Variants in SAMD12 observed in about 807,000 individuals in gnomAD.
SAMD12 encodes sterile alpha motif domain containing 12.
Under a neutral mutation model 15.0 loss-of-function variants are expected in SAMD12, and 9 were observed. The observed-to-expected ratio is 0.60, with a 90% CI of 0.36 to 1.05. SAMD12 has a LOEUF of 1.05. SAMD12 is among the 50% of genes least tolerant of loss of function. The pLI, the probability that SAMD12 is intolerant of heterozygous loss-of-function variation, is 0.01. For synonymous variants in SAMD12, 86 were observed against 90.1 expected, an observed-to-expected ratio of 0.96 and a Z score of 0.25; for missense variants, 230 against 234.2, an observed-to-expected ratio of 0.98 and a Z score of 0.12.
In SAMD12 at chr8:118,320,816, T is replaced by TTAAA. The variant is rs1554631079; in HGVS notation, c.433+58743_433+58744insTTTA. Among the ~76,000 whole-genome samples, 22 of 146,728 alleles carry TTAAA rather than the reference T, an allele frequency of 1.5e-4. No individual in the cohort carries two copies. The South Asian group carries it at 4.6e-3, about 31-fold the overall frequency. ...ATGTACCCTAGAACTTAAAGTATAA[T>TTAAA]AAAAATATATATATATATATAAAAA... On this transcript the variant is annotated intron_variant, in intron 4 of 4. Coordinates refer to the SAMD12 transcript ENST00000409003.
At chr8:118,515,669 G>GCA (rs1825221458) in intron 2 of SAMD12, among the ~76,000 whole-genome samples, 4 of 152,062 alleles carry the variant, frequency 2.6e-5, no homozygotes, top group Non-Finnish European at 2.9e-5. Context: ...CCCTACCCCA[G>GCA]GTACCTTCCT....
the SAMD12 span, among the ~76,000 whole-genome samples, chr8:118,169,232 A>G: frequency 4.6e-5 from 7 of 152,206 alleles, no homozygotes; most frequent in Admixed American, 4.6e-4. Context: ...TTAAAATAAA[A>G]CAAAACTAAC....
Position 118,275,339 on chromosome 8 carries a change from C to A in SAMD12, c.434-77607G>T, listed in dbSNP as rs985614769. The stretch of plus-strand genomic sequence containing the variant: ...ATTCTTAGGATGGCTTGTTAACATT[C>A]TGTTTACTTGTTAATGTTCTAAGTA... On this transcript the variant is annotated intron_variant, in intron 4 of 4. Coordinates refer to the SAMD12 transcript ENST00000409003. Among the ~76,000 whole-genome samples the A allele has an allele frequency of 1.1e-4, 17 of 152,102 alleles. 2 individuals are homozygous for A. Among genetic ancestry groups the A allele is most frequent in the Admixed American group, 1.1e-3 (17 of 15,268 alleles).
intron 3 of SAMD12, among the ~76,000 whole-genome samples, chr8:118,403,864 CAT>C (rs767997521): frequency 2.6e-5 from 4 of 152,166 alleles, no homozygotes; most frequent in Non-Finnish European, 2.9e-5. Flanking sequence ...TCTAGATGGC[CAT>C]AGCATTCTTG....
intron 4 of SAMD12, among the ~76,000 whole-genome samples, chr8:118,350,694 A>G (rs1042681391): frequency 1.3e-5 from 2 of 152,214 alleles, no homozygotes; most frequent in South Asian, 2.1e-4. Flanking sequence ...GACTACCTAT[A>G]TATCTTTATT....
rs58198250 is a variant in SAMD12, at chr8:118,280,814, T to C, written c.434-83082A>G. Among the ~76,000 whole-genome samples, 549 of 152,248 alleles carry C rather than the reference T, an allele frequency of 3.6e-3. 19 individuals are homozygous for C. In the South Asian group the frequency reaches 0.052, roughly 14 times the overall value. On this transcript the variant is annotated intron_variant, in intron 4 of 4. Coordinates refer to the SAMD12 transcript ENST00000409003. Reference sequence around the variant, plus strand: ...CCTCCAGCATTTTGGTGGGGGAGCTTCTCTAGAAGTAAGAGTTCTTAATAT... The same window carrying C: ...CCTCCAGCATTTTGGTGGGGGAGCTCCTCTAGAAGTAAGAGTTCTTAATAT...
intron 2 of SAMD12, among the ~76,000 whole-genome samples, chr8:118,486,425 AAG>A (rs559024086): frequency 2.4e-4 from 36 of 149,276 alleles, no homozygotes; most frequent in Admixed American, 2.3e-3. Context: ...AAAAAAAAAA[AAG>A]AGAGAGAGAG....
At chr8:118,233,208 GCAGT>G (rs1374761992) in intron 4 of SAMD12, among the ~76,000 whole-genome samples, 1 of 152,100 alleles carries the variant, frequency 6.6e-6, no homozygotes, top group Non-Finnish European at 1.5e-5. Context: ...CACAGTTAAG[GCAGT>G]CAGTTTACTG....
At chr8:118,417,099 T>G (rs1035582761) in intron 3 of SAMD12, among the ~76,000 whole-genome samples, 4 of 145,296 alleles carry the variant, frequency 2.8e-5, no homozygotes, top group Middle Eastern at 3.5e-3. Context: ...TGTTTTTTGG[T>G]TTTTTTTTTG....
chr8:118,524,258 A>G (rs1348373494), intron 2 of SAMD12, among the ~76,000 whole-genome samples: 5 of 152,106 alleles, frequency 3.3e-5, no homozygotes, highest in African/African-American at 1.2e-4. Flanking sequence ...ATGACTCCAC[A>G]TTGCTGAATC....
intron 4 of SAMD12, among the ~76,000 whole-genome samples, chr8:118,314,698 T>C (rs905361880): frequency 3.3e-5 from 5 of 152,186 alleles, no homozygotes; most frequent in Non-Finnish European, 2.9e-5. Flanking sequence ...CCTTGAGATT[T>C]TTCCAGTTTG....
At chr8:118,593,468 T>C (rs1278173787) in intron 1 of SAMD12, among the ~76,000 whole-genome samples, 1 of 152,256 alleles carries the variant, frequency 6.6e-6, no homozygotes, top group Admixed American at 6.5e-5. Context: ...GAAATTACAC[T>C]GTCCAATACA....
chr8:118,301,058 C>T (rs954563317), intron 4 of SAMD12, among the ~76,000 whole-genome samples: 4 of 152,060 alleles, frequency 2.6e-5, no homozygotes, highest in Admixed American at 2.0e-4. Context: ...TTTGCAGAAA[C>T]TCAAAACAAG....
In SAMD12 at chr8:118,214,960, G is replaced by A. The variant is rs570275915; in HGVS notation, c.434-17228C>T. Reference sequence around the variant, plus strand: ...CTCAGACCGAAGGTTAAACAAGGGGGCTAAGCTGCTACTGCAGTTGTTACA... The same window carrying A: ...CTCAGACCGAAGGTTAAACAAGGGGACTAAGCTGCTACTGCAGTTGTTACA... On this transcript the variant is annotated intron_variant, in intron 4 of 4. Coordinates refer to the SAMD12 transcript ENST00000409003. Among the ~76,000 whole-genome samples the A allele has an allele frequency of 2.9e-4, 44 of 152,308 alleles. 1 individual carries two copies. The highest frequency in any genetic ancestry group is 2.0e-3 in the Admixed American group (30 of 15,296).
downstream of SAMD12, among the ~76,000 whole-genome samples, chr8:118,377,668 T>C (rs1261962134): frequency 2.0e-5 from 3 of 152,192 alleles, no homozygotes; most frequent in African/African-American, 4.8e-5. Flanking sequence ...AAATCTTATA[T>C]ATTATGCATC....
chr8:118,403,001 A>G (rs1210925882), intron 3 of SAMD12, among the ~76,000 whole-genome samples: 1 of 152,228 alleles, frequency 6.6e-6, no homozygotes, highest in Non-Finnish European at 1.5e-5. Flanking sequence ...CTGATAAGCA[A>G]TATCTAAAAC....
At chr8:118,462,066 T>C (rs1298711531) in intron 2 of SAMD12, among the ~76,000 whole-genome samples, 3 of 152,240 alleles carry the variant, frequency 2.0e-5, no homozygotes. Context: ...TTGTCAGTTT[T>C]GGGTACATGG....
At chr8:118,604,738 A>G (rs950437109) in intron 1 of SAMD12, among the ~76,000 whole-genome samples, 4 of 151,936 alleles carry the variant, frequency 2.6e-5, no homozygotes, top group South Asian at 4.1e-4. Context: ...TGGCTAACAC[A>G]GTGAAACCCC....
chr8:118,309,380 A>ATGTG (rs35576833), intron 4 of SAMD12, among the ~76,000 whole-genome samples: 11,729 of 143,846 alleles, frequency 0.082, 792 homozygotes, highest in African/African-American at 0.16. Context: ...TGAGATATAT[A>ATGTG]TGTGTGTGTG....
Sources: gnomAD v4.1 joint callset for allele counts (sites outside exome capture counted in the v4.1 genomes callset) on GRCh38, gnomAD v4.1.1 for gene constraint, MANE v1.5 for transcripts, NCBI Gene and HGNC (gene_info 2026-07-23, HGNC 2026-07-21) for gene names.